Variants in TMCC1 observed in about 807,000 individuals in gnomAD.
The protein encoded by TMCC1 is transmembrane and coiled-coil domains protein 1.
A neutral mutation model predicts 52.4 loss-of-function variants in TMCC1; 15 were observed. The observed-to-expected ratio is 0.29, with a 90% CI of 0.19 to 0.44. The LOEUF is 0.44. TMCC1 is among the 20% of genes least tolerant of loss of function. The pLI is 1.00. For missense variants in TMCC1, 503 were observed against 806.0 expected (o/e 0.62, Z 4.55); for synonymous variants, 279 against 301.9 (o/e 0.92, Z 0.79).
chr3:129,878,812 A>G lies in TMCC1; in HGVS notation c.-184+1497T>C, dbSNP rs2061339423. On this transcript the variant is annotated intron_variant, in intron 2 of 6. Transcript: ENST00000393238. ...CTATGAAATTAGAGTCTAAATTTTA[A>G]TAGAAACCCCCAAGGTAATTCATGT... Among the ~76,000 whole-genome samples, 3 of 152,342 alleles carry G rather than the reference A, an allele frequency of 2.0e-5. No homozygotes were observed. The South Asian group carries it at 6.2e-4, about 32-fold the overall frequency.
At chr3:129,804,677 T>C (rs1214817628) in intron 4 of TMCC1, among the ~76,000 whole-genome samples, 1 of 152,192 alleles carries the variant, frequency 6.6e-6, no homozygotes, top group African/African-American at 2.4e-5. Flanking sequence ...TATGTGGTAG[T>C]ATTCAGATTT....
rs553683914 is a variant in TMCC1, at chr3:129,843,346, CA to C, written c.-183-10521del. 3.3e-4 allele frequency among the ~76,000 whole-genome samples: 46 copies of C among 138,842 alleles called. No homozygotes were observed. In the South Asian group the frequency reaches 3.8e-3, roughly 12 times the overall value. The allele number at this position is 138,842 out of a possible 152,430, so 91.1% of individuals were successfully genotyped here. ...TAGGAGACACAGCAAGACACCGTCTCAAAAAAAAAAGAAGGAAAAAATAATA... is the reference window on the plus strand; with the variant it reads ...TAGGAGACACAGCAAGACACCGTCTCAAAAAAAAAGAAGGAAAAAATAATA... On this transcript the variant is annotated intron_variant, in intron 2 of 6. Transcript: ENST00000393238.
intron 4 of TMCC1, among the ~76,000 whole-genome samples, chr3:129,801,953 T>C (rs765728138): frequency 5.9e-5 from 9 of 152,336 alleles, no homozygotes; most frequent in Non-Finnish European, 1.2e-4. Context: ...TACCAAATAG[T>C]GTTATTTAGT....
At chr3:129,853,312 T>C (rs185056035) in intron 2 of TMCC1, among the ~76,000 whole-genome samples, 10 of 152,296 alleles carry the variant, frequency 6.6e-5, no homozygotes, top group Admixed American at 6.5e-4. Flanking sequence ...AGTTCCTACA[T>C]ATGTATTTAC....
intron 4 of TMCC1, among the ~76,000 whole-genome samples, chr3:129,787,614 T>C (rs1228269008): frequency 6.6e-6 from 1 of 152,200 alleles, no homozygotes; most frequent in African/African-American, 2.4e-5. Flanking sequence ...ATATTTCACA[T>C]TATTATTACA....
At chr3:129,774,694 G>A (rs1332800249) in intron 4 of TMCC1, among the ~76,000 whole-genome samples, 2 of 152,188 alleles carry the variant, frequency 1.3e-5, no homozygotes, top group African/African-American at 4.8e-5. Context: ...TTTAATGTGT[G>A]CTTGTTTTGT....
rs201887645 is a variant in TMCC1, at chr3:129,651,646, G to C, written c.1797C>G (p.Val599=). Residue 599 remains valine, a synonymous_variant, in exon 7 of 7, where the codon GTC becomes GTG. Transcript: ENST00000393238. The surrounding 1 kb of genome is among the most constrained non-coding windows in gnomAD (Gnocchi z 5.1). ...CTACAGTGGAGACAAAGACCAAAAG[G>C]ACTGCCATGACAGCCAGGAGGATGT... ...LINILLAVMA[V]LLVFVSTVAN... The C allele has an allele frequency of 6.2e-7, 1 of 1,614,230 alleles. No individual in the cohort carries two copies. Among genetic ancestry groups the C allele is most frequent in the Admixed American group, 1.7e-5 (1 of 60,022 alleles).
intron 2 of TMCC1, among the ~76,000 whole-genome samples, chr3:129,835,742 T>C (rs917765116): frequency 6.6e-6 from 1 of 152,178 alleles, no homozygotes; most frequent in Non-Finnish European, 1.5e-5. Flanking sequence ...ACAGACTATT[T>C]CATTCTGGAA....
chr3:129,668,087 T>G (rs565869211), intron 5 of TMCC1, among the ~76,000 whole-genome samples: 29 of 152,004 alleles, frequency 1.9e-4, no homozygotes, highest in Non-Finnish European at 3.4e-4. Context: ...ACTCAGGAGG[T>G]TGAGATGGGA....
rs539070869 is a variant in TMCC1, at chr3:129,765,163, C to T, written c.576+62640G>A. Among the ~76,000 whole-genome samples the T allele has an allele frequency of 8.0e-5, 12 of 150,654 alleles. 1 individual carries two copies. The South Asian group carries it at 2.5e-3, about 32-fold the overall frequency. ...AAAAAAAAACCCCAAAAGTCACCTG[C>T]CCCATACTTAAAAACAGAGAAATTT... On this transcript the variant is annotated intron_variant, in intron 4 of 6. Transcript: ENST00000393238.
chr3:129,829,712 T>C (rs1332454883), intron 3 of TMCC1, among the ~76,000 whole-genome samples: 1 of 152,168 alleles, frequency 6.6e-6, no homozygotes, highest in Non-Finnish European at 1.5e-5. Flanking sequence ...TGAAGCACCA[T>C]GGTGCTCCTG....
chr3:129,743,933 T>C (rs2107640704), intron 4 of TMCC1, among the ~76,000 whole-genome samples: 1 of 151,292 alleles, frequency 6.6e-6, no homozygotes, highest in East Asian at 1.9e-4. Flanking sequence ...AGTGCACTTG[T>C]TTAAAAAAAA....
intron 2 of TMCC1, among the ~76,000 whole-genome samples, chr3:129,844,770 T>C (rs1451436725): frequency 6.6e-6 from 1 of 152,212 alleles, no homozygotes; most frequent in Non-Finnish European, 1.5e-5. Flanking sequence ...GCTGGACTAG[T>C]AAGAATGAAA....
intron 4 of TMCC1, among the ~76,000 whole-genome samples, chr3:129,720,891 C>G (rs749460667): frequency 1.3e-5 from 2 of 151,962 alleles, no homozygotes; most frequent in African/African-American, 2.4e-5. Flanking sequence ...CAAGCTCTCA[C>G]TATGTTGCTC....
intron 4 of TMCC1, among the ~76,000 whole-genome samples, chr3:129,679,093 C>A (rs1040277853): frequency 2.0e-5 from 3 of 152,180 alleles, no homozygotes; most frequent in African/African-American, 7.2e-5. Flanking sequence ...TACTAGTCAT[C>A]CCTTTACTCC....
At chr3:129,824,734 G>A (rs374289869) in intron 4 of TMCC1, among the ~76,000 whole-genome samples, 161 of 150,494 alleles carry the variant, frequency 1.1e-3, no homozygotes, top group African/African-American at 3.4e-3. Flanking sequence ...TTCCAGTTCC[G>A]TATTATTAAA....
chr3:129,681,410 T>C (rs1284414699), intron 4 of TMCC1, among the ~76,000 whole-genome samples: 3 of 152,000 alleles, frequency 2.0e-5, no homozygotes, highest in Non-Finnish European at 4.4e-5. Context: ...TCCTTTACTA[T>C]CTAACTCGCT....
At chr3:129,883,642 A>C (rs1430307092) in intron 1 of TMCC1, among the ~76,000 whole-genome samples, 4 of 152,226 alleles carry the variant, frequency 2.6e-5, no homozygotes, top group African/African-American at 9.6e-5. Flanking sequence ...AATGGTTAAA[A>C]TGGTAAATTT....
intron 4 of TMCC1, among the ~76,000 whole-genome samples, chr3:129,778,621 T>A (rs2055234971): frequency 6.7e-6 from 1 of 148,958 alleles, no homozygotes; most frequent in Non-Finnish European, 1.5e-5. Context: ...TCATCCAAAT[T>A]GTAATCCCCA....
Sources: gnomAD v4.1 joint callset for allele counts (sites outside exome capture counted in the v4.1 genomes callset) on GRCh38, gnomAD v4.1.1 for gene constraint, Gnocchi (gnomAD v3.1) non-coding constraint, MANE v1.5 for transcripts, NCBI Gene and HGNC (gene_info 2026-07-23, HGNC 2026-07-21) for gene names.